STAT4: variants seen among roughly 807,000 people sequenced by gnomAD.
The protein encoded by STAT4 is signal transducer and activator of transcription 4.
A neutral mutation model predicts 110.5 loss-of-function variants in STAT4; 42 were observed. The observed-to-expected ratio is 0.38, with a 90% confidence interval of 0.30 to 0.49. The LOEUF is 0.49. Among genes scored for constraint, STAT4 ranks in the 20% least tolerant of loss-of-function variants. The pLI, the probability that STAT4 is intolerant of heterozygous loss-of-function variation, is 0.95. For missense variants in STAT4, 632 were observed against 887.9 expected, an observed-to-expected ratio of 0.71 and a Z score of 3.66; for synonymous variants, 284 against 302.2, an observed-to-expected ratio of 0.94 and a Z score of 0.63.
At position 191,091,442 on chromosome 2, in the gene STAT4, T is replaced by A. The variant is rs111358168; in HGVS notation, c.274-15117A>T. On this transcript the variant is annotated intron_variant, in intron 3 of 23. Coordinates refer to ENST00000392320, the MANE Select transcript of STAT4 (RefSeq NM_003151.4). The surrounding 1 kb of genome is among the most constrained non-coding windows in gnomAD (Gnocchi z 5.4). ...AAACTTTAAAATCTGAGAAGACACATTAAAAACATAAATTCTAAATGTGAG... is the reference window on the plus strand; with the variant it reads ...AAACTTTAAAATCTGAGAAGACACAATAAAAACATAAATTCTAAATGTGAG... Among the ~76,000 whole-genome samples the A allele has an allele frequency of 2.5e-3, 382 of 152,286 alleles. No individual in the cohort carries two copies. Among genetic ancestry groups the A allele is most frequent in the African/African-American group, 8.5e-3 (355 of 41,574 alleles).
At chr2:191,141,351 AC>A (rs935467043) in intron 3 of STAT4, among the ~76,000 whole-genome samples, 25 of 150,834 alleles carry the variant, frequency 1.7e-4, no homozygotes, top group African/African-American at 6.1e-4. Context: ...ATATCATCTT[AC>A]CCCCGTTAAA....
At chr2:191,036,333 A>G (rs763526368) in intron 16 of STAT4, 34 bp from the exon 17 acceptor site, 9 of 1,610,842 alleles carry the variant, frequency 5.6e-6, no homozygotes, top group South Asian at 1.1e-5. Context: ...TTTGTTAATT[A>G]TCTTACAGTG....
chr2:191,082,165 A>G lies in STAT4; in HGVS notation c.274-5840T>C, dbSNP rs562488095. On this transcript the variant is annotated intron_variant, in intron 3 of 23. Coordinates refer to ENST00000392320, the MANE Select transcript of STAT4 (RefSeq NM_003151.4). This position sits in a 1 kb window ranked among gnomAD's most constrained non-coding sequence, Gnocchi z 4.7. ...CAGTAACAAAATATAATACAACTTT[A>G]TCTACTTGTGAGCATCTTCCTTTCT... 3.3e-5 allele frequency among the ~76,000 whole-genome samples: 5 copies of G among 152,260 alleles called. No individual in the cohort carries two copies. The East Asian group carries it at 9.6e-4, about 29-fold the overall frequency.
rs999457465 is a variant in STAT4, at chr2:191,066,166, G to C, written c.630+264C>G. 6.6e-6 allele frequency among the ~76,000 whole-genome samples: 1 copy of C among 152,040 alleles called. No homozygotes were observed. The highest frequency in any genetic ancestry group is 1.5e-5 in the Non-Finnish European group (1 of 68,002). ...CTGAAATAATGACAAATAAAAATTG[G>C]GTAAAATTTCCACCTTGAAATTAAT... On this transcript the variant is annotated intron_variant, in intron 7 of 23. Transcript: ENST00000392320. This position sits in a 1 kb window ranked among gnomAD's most constrained non-coding sequence, Gnocchi z 4.3.
chr2:191,102,416 A>G (rs987082837), intron 3 of STAT4, among the ~76,000 whole-genome samples: 2 of 152,144 alleles, frequency 1.3e-5, no homozygotes, highest in Non-Finnish European at 2.9e-5. Context: ...TCATGCTTAT[A>G]GCAATTACCA....
chr2:191,075,620 G>A (rs1437557747), intron 4 of STAT4, among the ~76,000 whole-genome samples: 3 of 152,120 alleles, frequency 2.0e-5, no homozygotes. Context: ...CTGGAACAGA[G>A]TGTGGCCAGT....
chr2:191,033,508 C>G lies in STAT4; in HGVS notation c.1834G>C (p.Val612Leu). 6.2e-7 allele frequency: 1 copy of G among 1,613,748 alleles called. No individual in the cohort carries two copies. Among genetic ancestry groups the G allele is most frequent in the Non-Finnish European group, 8.5e-7 (1 of 1,179,890 alleles). ...SHLGGITFTW[V>L]DHSESGEVRF... Reference sequence around the variant, plus strand: ...TATATACCACTTTCAGAATGGTCCACCCAGGTGAAAGTTATTCCTCCGAGA... The same window carrying G: ...TATATACCACTTTCAGAATGGTCCAGCCAGGTGAAAGTTATTCCTCCGAGA... Residue 612 changes from valine (V) to leucine (L), a missense_variant, in exon 20 of 24, where the codon GTG becomes CTG. Transcript: ENST00000392320. The surrounding 1 kb of genome is among the most constrained non-coding windows in gnomAD (Gnocchi z 6.9).
In STAT4 at chr2:191,066,470, G is replaced by A; in HGVS notation, c.590C>T (p.Thr197Ile). 2 of 1,613,522 alleles carry A rather than the reference G, an allele frequency of 1.2e-6. No homozygotes were observed. The highest frequency in any genetic ancestry group is 1.7e-6 in the Non-Finnish European group (2 of 1,179,676). The change falls in exon 7 of 24, where the codon ACA becomes ATA. Residue 197 changes from threonine to isoleucine, a missense_variant. By Grantham distance (89) the Thr-to-Ile change is moderately conservative. Coordinates refer to ENST00000392320, the MANE Select transcript of STAT4 (RefSeq NM_003151.4). The surrounding 1 kb of genome is among the most constrained non-coding windows in gnomAD (Gnocchi z 4.3). ...NSAMVNQEVL[T>I]LQEMLNSLDF... ...GAGGCTGTTAAGCATTTCCTGCAGTGTCAAAACTTCCTGATTCACCATGGC... is the reference window on the plus strand; with the variant it reads ...GAGGCTGTTAAGCATTTCCTGCAGTATCAAAACTTCCTGATTCACCATGGC...
At chr2:191,065,885 C>G (rs1559051206) in intron 7 of STAT4, among the ~76,000 whole-genome samples, 1 of 152,086 alleles carries the variant, frequency 6.6e-6, no homozygotes, top group Non-Finnish European at 1.5e-5. Context: ...GATGTTTCCC[C>G]TCCCTAAAAA....
chr2:191,132,621 G>A (rs1247104098), intron 3 of STAT4, among the ~76,000 whole-genome samples: 1 of 151,728 alleles, frequency 6.6e-6, no homozygotes, highest in Non-Finnish European at 1.5e-5. Flanking sequence ...ATTGGCAGGT[G>A]GGGATGGGAA....
chr2:191,105,452 T>C (rs753462536), intron 3 of STAT4, among the ~76,000 whole-genome samples: 1 of 152,244 alleles, frequency 6.6e-6, no homozygotes, highest in East Asian at 1.9e-4. Flanking sequence ...TTTACAGCTA[T>C]AGACTCCTCT....
intron 3 of STAT4, among the ~76,000 whole-genome samples, chr2:191,130,395 G>A (rs1482444507): frequency 6.8e-6 from 1 of 147,940 alleles, no homozygotes; most frequent in East Asian, 1.9e-4. Context: ...CTAATTTTTT[G>A]TATTTTTTAG....
chr2:191,058,209 T>C lies in STAT4; in HGVS notation c.1105A>G (p.Thr369Ala). Residue 369 changes from threonine (T) to alanine (A), a missense_variant, in exon 12 of 24, where the codon ACT becomes GCT. Thr to Ala is a moderately conservative substitution (Grantham distance 58). Transcript: ENST00000392320. This position sits in a 1 kb window ranked among gnomAD's most constrained non-coding sequence, Gnocchi z 4.3. ...VKASIDKNVS[T>A]LSNRRFVLCG... is the part of the protein sequence containing the mutation. ...ACAAAGTAAATGTCTTACCTTAGAGTTGAAACATTCCTGTAAAACCAAGAA... is the reference window on the plus strand; with the variant it reads ...ACAAAGTAAATGTCTTACCTTAGAGCTGAAACATTCCTGTAAAACCAAGAA... 1 of 1,613,692 alleles carries C rather than the reference T, an allele frequency of 6.2e-7. No homozygotes were observed. The highest frequency in any genetic ancestry group is 8.5e-7 in the Non-Finnish European group (1 of 1,179,780).
intron 3 of STAT4, among the ~76,000 whole-genome samples, chr2:191,081,348 T>C (rs1697472682): frequency 6.6e-6 from 1 of 152,218 alleles, no homozygotes; most frequent in Non-Finnish European, 1.5e-5. Flanking sequence ...ATCCTTTGGG[T>C]ATATACCCAG....
chr2:191,117,062 G>C lies in STAT4; in HGVS notation c.273+29551C>G, dbSNP rs1170657597. 6.6e-6 allele frequency among the ~76,000 whole-genome samples: 1 copy of C among 152,122 alleles called. No individual in the cohort carries two copies. The highest frequency in any genetic ancestry group is 1.5e-5 in the Non-Finnish European group (1 of 68,022). On this transcript the variant is annotated intron_variant, in intron 3 of 23. Transcript: ENST00000392320. The surrounding 1 kb of genome is among the most constrained non-coding windows in gnomAD (Gnocchi z 5.2). ...TGGGGAGCTTTACAAAATCCAATAGGAACAGAATCTCTGGAGTGGGGCTGC... is the reference window on the plus strand; with the variant it reads ...TGGGGAGCTTTACAAAATCCAATAGCAACAGAATCTCTGGAGTGGGGCTGC...
chr2:191,031,536 A>G lies in STAT4; in HGVS notation c.2045-20T>C. The G allele has an allele frequency of 6.2e-7, 1 of 1,605,204 alleles. No homozygotes were observed. Among genetic ancestry groups the G allele is most frequent in the Non-Finnish European group, 8.5e-7 (1 of 1,175,474 alleles). On this transcript the variant is annotated intron_variant, in intron 21 of 23. Transcript: ENST00000392320. This position sits in a 1 kb window ranked among gnomAD's most constrained non-coding sequence, Gnocchi z 4.8. ...TTGAAACTGGAAAACAAAAAGGCAC[A>G]ATGTTGGGGAAAAAAATGTCAATAT...
intron 13 of STAT4, among the ~76,000 whole-genome samples, chr2:191,056,097 A>G (rs1696683163): frequency 6.6e-6 from 1 of 152,272 alleles, no homozygotes; most frequent in South Asian, 2.1e-4. Context: ...TTTATCTTTT[A>G]GAAAGTAGAC....
At chr2:191,092,932 C>T (rs2125312803) in intron 3 of STAT4, among the ~76,000 whole-genome samples, 1 of 152,224 alleles carries the variant, frequency 6.6e-6, no homozygotes, top group Non-Finnish European at 1.5e-5. Context: ...GCCCATGGAG[C>T]CTTGCTCACT....
chr2:191,037,587 G>T lies in STAT4; in HGVS notation c.1435-1288C>A, dbSNP rs1481707257. Among the ~76,000 whole-genome samples the T allele has an allele frequency of 6.6e-6, 1 of 152,202 alleles. No homozygotes were observed. Among genetic ancestry groups the T allele is most frequent in the Non-Finnish European group, 1.5e-5 (1 of 68,024 alleles). On this transcript the variant is annotated intron_variant, in intron 16 of 23. Transcript: ENST00000392320. This position sits in a 1 kb window ranked among gnomAD's most constrained non-coding sequence, Gnocchi z 4.8. ...GTGAAACTCAAGAAACATGTTTCAA[G>T]AAGAGGAAAGGAAGAATTCAGAAAT...
Sources: allele counts gnomAD v4.1 joint callset (sites outside exome capture counted in the v4.1 genomes callset), GRCh38; gene constraint gnomAD v4.1.1; non-coding constraint Gnocchi (gnomAD v3.1); transcripts MANE v1.5; gene names NCBI Gene and HGNC (gene_info 2026-07-23, HGNC 2026-07-21).